Variants in PRKN observed in about 807,000 individuals in gnomAD.
PRKN encodes E3 ubiquitin-protein ligase parkin.
In PRKN, 56 loss-of-function variants were observed where a neutral mutation model predicts 59.5. The ratio of observed to expected loss-of-function variants is 0.94; its 90% CI spans 0.76 to 1.18. The LOEUF is 1.18. PRKN is among the 50% of genes most tolerant of loss of function. The pLI is 0.00. For missense variants in PRKN, 657 were observed against 596.4 expected, an observed-to-expected ratio of 1.10 and a Z score of -1.06; for synonymous variants, 250 against 222.1, an observed-to-expected ratio of 1.13 and a Z score of -1.12.
At chr6:161,805,987 G>A (rs1211805957) in intron 6 of PRKN, among the ~76,000 whole-genome samples, 5 of 152,294 alleles carry the variant, frequency 3.3e-5, no homozygotes, top group South Asian at 2.1e-4. Flanking sequence ...CATTAGGGTC[G>A]ACGAGTTCTT....
chr6:162,433,148 T>G (rs1176045378), intron 2 of PRKN, among the ~76,000 whole-genome samples: 1 of 152,216 alleles, frequency 6.6e-6, no homozygotes, highest in East Asian at 1.9e-4. Flanking sequence ...CTTTGTGAAT[T>G]ATTCATCAAA....
intron 9 of PRKN, among the ~76,000 whole-genome samples, chr6:161,515,952 A>G (rs989750795): frequency 1.3e-5 from 2 of 152,192 alleles, no homozygotes; most frequent in African/African-American, 2.4e-5. Flanking sequence ...TTTTTTCCTT[A>G]TAAGACTGCA....
At position 161,355,978 on chromosome 6, in the gene PRKN, C is replaced by T. The variant is rs1784731444; in HGVS notation, c.1285+4110G>A. Reference sequence around the variant, plus strand: ...CAGACTGGGCAGAGGAGAAGCCCAGCTCGGGCACAGCCTAAGAGGCCTGAG... The same window carrying T: ...CAGACTGGGCAGAGGAGAAGCCCAGTTCGGGCACAGCCTAAGAGGCCTGAG... On this transcript the variant is annotated intron_variant, in intron 11 of 11. Coordinates refer to ENST00000366898, the MANE Select transcript of PRKN (RefSeq NM_004562.3). The surrounding 1 kb of genome is among the most constrained non-coding windows in gnomAD (Gnocchi z 6.8). Among the ~76,000 whole-genome samples the T allele has an allele frequency of 6.6e-6, 1 of 152,176 alleles. No individual in the cohort carries two copies. The highest frequency in any genetic ancestry group is 2.4e-5 in the African/African-American group (1 of 41,446).
chr6:161,875,431 T>G (rs142677663), intron 6 of PRKN, among the ~76,000 whole-genome samples: 8,229 of 151,834 alleles, frequency 0.054, 720 homozygotes, highest in African/African-American at 0.18. Flanking sequence ...GACCCCACGT[T>G]ATCTGCCTGC....
At chr6:161,948,507 C>G (rs774917841) in intron 6 of PRKN, among the ~76,000 whole-genome samples, 5 of 152,120 alleles carry the variant, frequency 3.3e-5, no homozygotes, top group Non-Finnish European at 7.4e-5. Context: ...TAAAGGTAGA[C>G]TAGCACATTG....
intron 7 of PRKN, among the ~76,000 whole-genome samples, chr6:161,644,188 G>A (rs950793948): frequency 2.6e-5 from 4 of 152,062 alleles, no homozygotes; most frequent in Non-Finnish European, 4.4e-5. Context: ...CAGCTAATTA[G>A]GAGGCTTAAA....
chr6:162,605,316 A>G (rs1327759580), intron 1 of PRKN, among the ~76,000 whole-genome samples: 1 of 152,142 alleles, frequency 6.6e-6, no homozygotes, highest in African/African-American at 2.4e-5. Flanking sequence ...CCCTTACCCC[A>G]AAACCCAAGA....
At chr6:161,818,206 G>A (rs1011684646) in intron 6 of PRKN, among the ~76,000 whole-genome samples, 2 of 152,148 alleles carry the variant, frequency 1.3e-5, no homozygotes, top group Admixed American at 6.5e-5. Context: ...AAGACACATA[G>A]GTGGAAACTC....
chr6:162,212,532 A>C (rs1443577113), intron 3 of PRKN, among the ~76,000 whole-genome samples: 1 of 152,210 alleles, frequency 6.6e-6, no homozygotes. Context: ...CTGCCTAAAG[A>C]AGAAAAACAT....
chr6:162,497,380 G>C (rs774687459), intron 1 of PRKN, among the ~76,000 whole-genome samples: 1 of 152,196 alleles, frequency 6.6e-6, no homozygotes, highest in Non-Finnish European at 1.5e-5. Context: ...ATTACATAAA[G>C]TATCAGGTGT....
chr6:162,131,530 T>C (rs1399599671), intron 4 of PRKN, among the ~76,000 whole-genome samples: 1 of 152,230 alleles, frequency 6.6e-6, no homozygotes, highest in East Asian at 1.9e-4. Context: ...TTAATGAAGC[T>C]ATTTGGATAA....
chr6:161,757,759 A>G lies in PRKN; in HGVS notation c.871+28013T>C, dbSNP rs887571062. Among the ~76,000 whole-genome samples, 3 of 147,568 alleles carry G rather than the reference A, an allele frequency of 2.0e-5. No homozygotes were observed. The Admixed American group carries it at 2.0e-4, about 10-fold the overall frequency. On this transcript the variant is annotated intron_variant, in intron 7 of 11. Coordinates refer to ENST00000366898, the MANE Select transcript of PRKN (RefSeq NM_004562.3). ...GGGCTGAGGCAAGAGAATCGCTTGA[A>G]CCCGGGATGCAGAGGTTGCAGTTTG...
At chr6:162,645,079 A>G (rs1778116199) in intron 1 of PRKN, among the ~76,000 whole-genome samples, 1 of 152,162 alleles carries the variant, frequency 6.6e-6, no homozygotes, top group Admixed American at 6.5e-5. Flanking sequence ...ACTTAACTGC[A>G]TATTCAATTC....
chr6:162,577,437 T>C (rs1406179906), intron 1 of PRKN, among the ~76,000 whole-genome samples: 4 of 151,592 alleles, frequency 2.6e-5, no homozygotes, highest in African/African-American at 9.7e-5. Context: ...CCGTCTCTAC[T>C]AAAAATACAA....
chr6:161,791,088 A>G (rs1254474019), intron 6 of PRKN, among the ~76,000 whole-genome samples: 1 of 152,174 alleles, frequency 6.6e-6, no homozygotes, highest in Non-Finnish European at 1.5e-5. Context: ...TAATTGATCG[A>G]TCCAGAGATG....
At chr6:162,409,224 G>T (rs945778502) in intron 2 of PRKN, among the ~76,000 whole-genome samples, 4 of 151,564 alleles carry the variant, frequency 2.6e-5, no homozygotes, top group Non-Finnish European at 4.4e-5. Context: ...GAGTGCAGTG[G>T]CACAATCATA....
chr6:162,039,367 G>A (rs9456733), intron 5 of PRKN, among the ~76,000 whole-genome samples: 181 of 152,274 alleles, frequency 1.2e-3, no homozygotes, highest in Non-Finnish European at 2.1e-3. Flanking sequence ...CCCATTGTTG[G>A]AGGTGGGGTC....
rs994952696 is a variant in PRKN at position 161,988,812 on chromosome 6, T to A, written c.619-15395A>T. 2.0e-5 allele frequency among the ~76,000 whole-genome samples: 3 copies of A among 152,194 alleles called. No homozygotes were observed. In the East Asian group the frequency reaches 5.8e-4, roughly 29 times the overall value. On this transcript the variant is annotated intron_variant, in intron 5 of 11. Coordinates refer to ENST00000366898, the MANE Select transcript of PRKN (RefSeq NM_004562.3). ...AAAGCTACCCAATGGATAATACCAGTACTACAGAGCATTTTCATTGACTGC... is the reference window on the plus strand; with the variant it reads ...AAAGCTACCCAATGGATAATACCAGAACTACAGAGCATTTTCATTGACTGC...
At chr6:161,469,341 G>A (rs1583109274) in intron 9 of PRKN, among the ~76,000 whole-genome samples, 1 of 152,142 alleles carries the variant, frequency 6.6e-6, no homozygotes, top group African/African-American at 2.4e-5. Context: ...CATGATGTAA[G>A]TTTCCTGAGG....
Sources: allele counts gnomAD v4.1 joint callset (sites outside exome capture counted in the v4.1 genomes callset), GRCh38; gene constraint gnomAD v4.1.1; non-coding constraint Gnocchi (gnomAD v3.1); transcripts MANE v1.5; gene names NCBI Gene and HGNC (gene_info 2026-07-23, HGNC 2026-07-21).